Variants in DNER observed in about 807,000 individuals in gnomAD.
DNER encodes delta and Notch-like epidermal growth factor-related receptor.
A neutral mutation model predicts 78.2 loss-of-function variants in DNER; 33 were observed. The ratio of observed to expected loss-of-function variants is 0.42; its 90% confidence interval spans 0.32 to 0.56. DNER has a LOEUF of 0.56. Among genes scored for constraint, DNER ranks in the 20% least tolerant of loss-of-function variants. DNER has a pLI of 0.11. For synonymous variants in DNER, 417 were observed against 384.8 expected, an observed-to-expected ratio of 1.08 and a Z score of -0.98; for missense variants, 918 against 975.3, an observed-to-expected ratio of 0.94 and a Z score of 0.78.
At chr2:229,553,550 A>G (rs1574899501) in intron 4 of DNER, among the ~76,000 whole-genome samples, 1 of 152,204 alleles carries the variant, frequency 6.6e-6, no homozygotes, top group East Asian at 1.9e-4. Flanking sequence ...AAGGGAACCC[A>G]TCAAGGAAGA....
At chr2:229,464,392 G>C (rs1459638870) in intron 7 of DNER, among the ~76,000 whole-genome samples, 2 of 152,222 alleles carry the variant, frequency 1.3e-5, no homozygotes, top group East Asian at 3.9e-4. Context: ...GTCAAAGTTA[G>C]ATTTAAGACA....
chr2:229,470,036 T>C (rs941337893), intron 7 of DNER, among the ~76,000 whole-genome samples: 3 of 152,196 alleles, frequency 2.0e-5, no homozygotes, highest in Admixed American at 2.0e-4. Context: ...AGTACTGTTA[T>C]AGGTACTGCC....
At chr2:229,581,591 A>G (rs1697398225) in intron 4 of DNER, among the ~76,000 whole-genome samples, 1 of 152,248 alleles carries the variant, frequency 6.6e-6, no homozygotes, top group South Asian at 2.1e-4. Flanking sequence ...CTTGGTAAAA[A>G]GTTCTATCAA....
intron 6 of DNER, among the ~76,000 whole-genome samples, chr2:229,480,476 C>A (rs1172196588): frequency 1.3e-5 from 2 of 152,066 alleles, no homozygotes; most frequent in Admixed American, 6.5e-5. Context: ...TTCTTAAGAA[C>A]CACAACTGTC....
At chr2:229,574,846 T>C (rs1697269322) in intron 4 of DNER, among the ~76,000 whole-genome samples, 1 of 152,172 alleles carries the variant, frequency 6.6e-6, no homozygotes, top group Non-Finnish European at 1.5e-5. Flanking sequence ...GGAGCAGAAA[T>C]TTGGCTATAA....
chr2:229,609,131 G>A (rs751499860), intron 1 of DNER, among the ~76,000 whole-genome samples: 3 of 152,158 alleles, frequency 2.0e-5, no homozygotes, highest in Admixed American at 6.5e-5. Flanking sequence ...GCTGAGGCAG[G>A]AGAATCACGT....
At chr2:229,467,727 G>A (rs952614179) in intron 7 of DNER, among the ~76,000 whole-genome samples, 14 of 152,134 alleles carry the variant, frequency 9.2e-5, no homozygotes, top group African/African-American at 3.4e-4. Flanking sequence ...AAGGATCTTT[G>A]TTGCATTCAA....
intron 8 of DNER, among the ~76,000 whole-genome samples, chr2:229,426,599 G>A (rs1693884695): frequency 6.6e-6 from 1 of 152,060 alleles, no homozygotes; most frequent in Non-Finnish European, 1.5e-5. Context: ...ATTTTGCTGT[G>A]TAGAGCTTTA....
chr2:229,611,848 C>T (rs1226855344), intron 1 of DNER, among the ~76,000 whole-genome samples: 2 of 152,208 alleles, frequency 1.3e-5, no homozygotes, highest in Non-Finnish European at 1.5e-5. Context: ...AAACCTTCGT[C>T]ACACAGTGTC....
intron 1 of DNER, among the ~76,000 whole-genome samples, chr2:229,671,247 T>A (rs1173289517): frequency 6.6e-6 from 1 of 152,166 alleles, no homozygotes; most frequent in Non-Finnish European, 1.5e-5. Flanking sequence ...GAGGCTCCAA[T>A]TCAAACCTGT....
chr2:229,605,709 G>A (rs929276689), intron 1 of DNER, among the ~76,000 whole-genome samples: 13 of 131,506 alleles, frequency 9.9e-5, no homozygotes, highest in Non-Finnish European at 2.1e-4. Flanking sequence ...GCAACATGGC[G>A]AAACCCCATC....
At chr2:229,382,793 G>C (rs115409285) in intron 11 of DNER, among the ~76,000 whole-genome samples, 4,466 of 152,182 alleles carry the variant, frequency 0.029, 96 homozygotes, top group African/African-American at 0.06. Flanking sequence ...TGTTTGATTG[G>C]TGTACTTGAA....
chr2:229,446,538 T>C (rs942003860), intron 8 of DNER, among the ~76,000 whole-genome samples: 1 of 151,992 alleles, frequency 6.6e-6, no homozygotes, highest in Non-Finnish European at 1.5e-5. Context: ...GCCAGGGAGA[T>C]GTGTGGGGAT....
At chr2:229,697,085 G>T (rs1259855579) in intron 1 of DNER, among the ~76,000 whole-genome samples, 2 of 152,048 alleles carry the variant, frequency 1.3e-5, no homozygotes, top group Admixed American at 6.6e-5. Flanking sequence ...CTAAAGGGTG[G>T]GAACAATTCA....
At chr2:229,377,396 T>C (rs1340611334) in intron 11 of DNER, among the ~76,000 whole-genome samples, 1 of 152,228 alleles carries the variant, frequency 6.6e-6, no homozygotes, top group Non-Finnish European at 1.5e-5. Flanking sequence ...AACACTGCTA[T>C]GTCAAGATTC....
intron 1 of DNER, among the ~76,000 whole-genome samples, chr2:229,655,577 C>T (rs928677651): frequency 1.3e-5 from 2 of 152,050 alleles, no homozygotes; most frequent in East Asian, 1.9e-4. Flanking sequence ...TTAAAAAGAA[C>T]TTGGTTGAAT....
intron 1 of DNER, among the ~76,000 whole-genome samples, chr2:229,694,570 G>T (rs906291369): frequency 2.0e-4 from 30 of 152,264 alleles, no homozygotes; most frequent in Non-Finnish European, 4.3e-4. Flanking sequence ...TGACCTGGAT[G>T]TGAGACCTGG....
intron 9 of DNER, among the ~76,000 whole-genome samples, chr2:229,413,643 C>T (rs569537683): frequency 8.2e-4 from 124 of 151,282 alleles, no homozygotes; most frequent in African/African-American, 2.8e-3. Flanking sequence ...TCAAAATGTT[C>T]TTAGCTATAT....
At chr2:229,608,544 T>C (rs1697983192) in intron 1 of DNER, among the ~76,000 whole-genome samples, 1 of 152,196 alleles carries the variant, frequency 6.6e-6, no homozygotes, top group Non-Finnish European at 1.5e-5. Context: ...TAGAGCTATA[T>C]CTGAAAGCCA....
Sources: allele counts gnomAD v4.1 joint callset (sites outside exome capture counted in the v4.1 genomes callset), GRCh38; gene constraint gnomAD v4.1.1; transcripts MANE v1.5; gene names NCBI Gene and HGNC (gene_info 2026-07-23, HGNC 2026-07-21).